C5: variants seen among roughly 807,000 people sequenced by gnomAD.
C5 encodes C3 and PZP-like alpha-2-macroglobulin domain-containing protein 4.
C5 carries 140 observed loss-of-function variants against 218.8 expected under a neutral mutation model. The observed-to-expected ratio is 0.64, with a 90% confidence interval of 0.56 to 0.74. The LOEUF (loss-of-function observed/expected upper bound fraction) is 0.74. Among genes scored for constraint, C5 ranks in the 30% least tolerant of loss-of-function variants. The pLI is 0.00. For synonymous variants in C5, 614 were observed against 682.3 expected (o/e 0.90, Z 1.56); for missense variants, 1,700 against 1,969.6 (o/e 0.86, Z 2.59).
the C5 span, among the ~76,000 whole-genome samples, chr9:121,070,386 T>G: frequency 3.8e-5 from 1 of 26,642 alleles, no homozygotes; most frequent in Non-Finnish European, 1.0e-4. Context: ...GGAAGGGTGA[T>G]ATATATATAT....
At chr9:121,058,447 AT>A in the C5 span, among the ~76,000 whole-genome samples, 28 of 150,570 alleles carry the variant, frequency 1.9e-4, 1 homozygote, top group South Asian at 1.5e-3. Flanking sequence ...TATATATAAA[AT>A]TTTTTTTTTA....
chr9:121,008,365 T>G (rs1479614830), intron 18 of C5, 43 bp downstream of exon 18: 2 of 1,438,168 alleles, frequency 1.4e-6, no homozygotes, highest in Admixed American at 1.7e-5. Flanking sequence ...AATACTTGCA[T>G]TATCCACATT....
chr9:120,979,705 C>A, intron 28 of C5: 1 of 276,788 alleles, frequency 3.6e-6, no homozygotes. Flanking sequence ...CGGGGAAACA[C>A]AGTGAGACTC....
intron 5 of C5, among the ~76,000 whole-genome samples, chr9:121,032,968 T>C (rs2047489082): frequency 6.6e-6 from 1 of 151,992 alleles, no homozygotes; most frequent in African/African-American, 2.4e-5. Context: ...ACCACTGCAC[T>C]CCAGCCTGGG....
At chr9:121,024,805 G>C (rs2047405640) in intron 9 of C5, among the ~76,000 whole-genome samples, 1 of 152,104 alleles carries the variant, frequency 6.6e-6, no homozygotes, top group African/African-American at 2.4e-5. Flanking sequence ...TTCTTCACCT[G>C]TCTTATACCT....
chr9:120,964,716 G>T (rs755518825), intron 33 of C5, among the ~76,000 whole-genome samples: 4 of 152,302 alleles, frequency 2.6e-5, no homozygotes, highest in Admixed American at 6.5e-5. Flanking sequence ...TTGTAAGAGA[G>T]AAAAGAATAC....
At chr9:120,994,585 C>T (rs546205108) in intron 22 of C5, among the ~76,000 whole-genome samples, 2 of 125,234 alleles carry the variant, frequency 1.6e-5, no homozygotes, top group East Asian at 2.7e-4. Context: ...CCTGTCCCCC[C>T]ACCCCACAAA....
chr9:120,981,098 G>A (rs2131696950), intron 27 of C5, among the ~76,000 whole-genome samples: 1 of 152,320 alleles, frequency 6.6e-6, no homozygotes, highest in Non-Finnish European at 1.5e-5. Context: ...TGGTTGTGTT[G>A]GGCAAGTGGG....
At chr9:120,977,744 T>G (rs2046964062) in intron 28 of C5, among the ~76,000 whole-genome samples, 1 of 152,196 alleles carries the variant, frequency 6.6e-6, no homozygotes, top group African/African-American at 2.4e-5. Context: ...AAAATCAACA[T>G]AGTACACATG....
At chr9:121,031,482 T>A (rs1284799404) in intron 6 of C5, among the ~76,000 whole-genome samples, 1 of 152,158 alleles carries the variant, frequency 6.6e-6, no homozygotes, top group Non-Finnish European at 1.5e-5. Flanking sequence ...AAGTTTCTCC[T>A]AATAATAATC....
chr9:120,982,518 A>G (rs556035522), intron 26 of C5, 137 bp downstream of exon 26: 281 of 680,856 alleles, frequency 4.1e-4, no homozygotes, highest in Middle Eastern at 7.2e-4. Context: ...AGACCTTTGT[A>G]TATTTTGCTT....
In C5 at chr9:120,982,698, C is replaced by A. The variant is rs1226966295; in HGVS notation, c.3347G>T (p.Gly1116Val). The A allele has an allele frequency of 6.2e-7, 1 of 1,608,304 alleles. No homozygotes were observed. Among genetic ancestry groups the A allele is most frequent in the East Asian group, 2.2e-5 (1 of 44,726 alleles). Residue 1116 changes from glycine (G) to valine (V), a missense_variant, in exon 26 of 41, where the codon GGA becomes GTA. By Grantham distance (109) the Gly-to-Val change is moderately radical (BLOSUM62 -3). Transcript: ENST00000223642. ...ATACTGTGAATTTTCCTTGAAAGATCCATTATCTAATTGATAATTCTCAAC... is the reference window on the plus strand; with the variant it reads ...ATACTGTGAATTTTCCTTGAAAGATACATTATCTAATTGATAATTCTCAAC... ...WLVENYQLDNGSFKENSQYQP... is the reference protein window; with the variant it reads ...WLVENYQLDNVSFKENSQYQP...
At position 121,048,198 on chromosome 9, in the gene C5, C is replaced by A. The variant is rs2047643882; in HGVS notation, c.66-1815G>T. Among the ~76,000 whole-genome samples, 3 of 152,040 alleles carry A rather than the reference C, an allele frequency of 2.0e-5. No homozygotes were observed. In the South Asian group the frequency reaches 6.2e-4, roughly 32 times the overall value. On this transcript the variant is annotated intron_variant, in intron 1 of 40. Transcript: ENST00000223642. ...ACTTTAATTTCAGTATTTATAGAAG[C>A]TTTATGTTTTTAAGTTTAGTATTGC...
chr9:121,021,594 G>T lies in C5; in HGVS notation c.1217C>A (p.Pro406Gln). The T allele has an allele frequency of 2.5e-6, 4 of 1,613,740 alleles. No homozygotes were observed. The highest frequency in any genetic ancestry group is 3.4e-6 in the Non-Finnish European group (4 of 1,179,714). The part of the protein sequence containing the change: ...DVNQETSDLD[P>Q]SKSVTRVDDG... ...ATCAACACGTGTTACACTTTTGCTT[G>T]GATCCAAGTCAGATGTCTCTTGGTT... The change falls in exon 11 of 41, where the codon CCA (proline) becomes CAA (glutamine). Residue 406 changes from proline (P) to glutamine (Q), a missense_variant. Transcript: ENST00000223642.
At chr9:121,060,423 T>C in the C5 span, among the ~76,000 whole-genome samples, 1 of 152,226 alleles carries the variant, frequency 6.6e-6, no homozygotes, top group African/African-American at 2.4e-5. Context: ...AATGCTGAAA[T>C]GCGATCTTTC....
In C5 at chr9:120,976,563, G is replaced by A. The variant is rs547349036; in HGVS notation, c.3864+137C>T. 5.2e-4 allele frequency: 398 copies of A among 770,170 alleles called. 5 individuals are homozygous for A. The highest frequency in any genetic ancestry group is 3.3e-3 in the South Asian group (234 of 70,358). The allele number at this position is 770,170 out of a possible 1,614,324, so 47.7% of individuals were successfully genotyped here. A position where few individuals can be genotyped will look rare whatever the true frequency, so the allele number is the denominator to read the frequency against. On this transcript the variant is annotated intron_variant, in intron 29 of 40. Coordinates refer to ENST00000223642, the MANE Select transcript of C5 (RefSeq NM_001735.3). The stretch of plus-strand genomic sequence containing the variant: ...GAGTGTTGACGCAGATAACCTGTAG[G>A]GGTCCTTCAATTCTAGGCATTATTC...
chr9:121,002,498 A>C (rs2047181242), intron 20 of C5, among the ~76,000 whole-genome samples: 1 of 151,478 alleles, frequency 6.6e-6, no homozygotes, highest in Admixed American at 6.6e-5. Flanking sequence ...ATCTCAAATT[A>C]CAATTTACAT....
intron 29 of C5, 36 bp from the exon 30 acceptor site, chr9:120,974,967 GT>G (rs2046942562): frequency 1.2e-6 from 2 of 1,610,744 alleles, no homozygotes; most frequent in Non-Finnish European, 1.7e-6. Flanking sequence ...AATATGTTTA[GT>G]TTATTTATGT....
chr9:121,025,634 AAATT>A, intron 8 of C5, 54 bp from the exon 9 acceptor site: 1 of 1,551,678 alleles, frequency 6.4e-7, no homozygotes, highest in South Asian at 1.1e-5. Context: ...TTATAAGGAA[AAATT>A]AATAAAATCT....
Sources: gnomAD v4.1 joint callset for allele counts (sites outside exome capture counted in the v4.1 genomes callset) on GRCh38, gnomAD v4.1.1 for gene constraint, MANE v1.5 for transcripts, NCBI Gene and HGNC (gene_info 2026-07-23, HGNC 2026-07-21) for gene names.